The following MBOAT1 variants were observed in gnomAD, a reference collection of about 807,000 sequenced individuals.
MBOAT1 encodes the protein membrane bound glycerophospholipid O-acyltransferase 1.
In MBOAT1, 67 loss-of-function variants were observed where a neutral mutation model predicts 64.4. That is an observed-to-expected ratio of 1.04 (90% CI 0.85 to 1.27). The LOEUF (loss-of-function observed/expected upper bound fraction) is 1.27, where lower values mean the gene tolerates loss of function less well. MBOAT1 is among the 50% of genes most tolerant of loss of function. The pLI, the probability that MBOAT1 is intolerant of heterozygous loss-of-function variation, is 0.00. For synonymous variants in MBOAT1, 229 were observed against 218.9 expected, an observed-to-expected ratio of 1.05 and a Z score of -0.41; for missense variants, 563 against 604.6, an observed-to-expected ratio of 0.93 and a Z score of 0.72.
At chr6:20,122,836 A>G (rs201821292) in intron 8 of MBOAT1, among the ~76,000 whole-genome samples, 1 of 151,158 alleles carries the variant, frequency 6.6e-6, no homozygotes, top group East Asian at 2.0e-4. Flanking sequence ...TGAAAAAAAA[A>G]TTATTTTTTT....
chr6:20,181,911 C>T (rs1466294884), intron 1 of MBOAT1, among the ~76,000 whole-genome samples: 1 of 152,344 alleles, frequency 6.6e-6, no homozygotes, highest in East Asian at 1.9e-4. Flanking sequence ...CAGAACTTCT[C>T]ATAGACAACA....
chr6:20,197,681 A>T (rs1762996514), intron 1 of MBOAT1, among the ~76,000 whole-genome samples: 1 of 152,226 alleles, frequency 6.6e-6, no homozygotes, highest in Non-Finnish European at 1.5e-5. Context: ...ACCAATGTAC[A>T]TCTTACACAT....
At chr6:20,160,118 T>C (rs1761807490) in intron 1 of MBOAT1, among the ~76,000 whole-genome samples, 1 of 152,230 alleles carries the variant, frequency 6.6e-6, no homozygotes, top group African/African-American at 2.4e-5. Context: ...ATAAAACACA[T>C]GCCCAAGTGT....
At position 20,118,638 on chromosome 6, in the gene MBOAT1, T is replaced by G. The variant is rs575321063; in HGVS notation, c.908-98A>C. 2.9e-4 allele frequency: 265 copies of G among 912,734 alleles called. 1 individual carries two copies. The African/African-American group carries it at 4.2e-3, about 14-fold the overall frequency. The allele number at this position is 912,734 out of a possible 1,614,324, so 56.5% of individuals were successfully genotyped here. ...TCTGTCTAGCTTCAAGATGGAGAAA[T>G]ATGCAGTAGTGTCTTTGGAAAAGGA... On this transcript the variant is annotated intron_variant, in intron 8 of 12. Transcript: ENST00000324607.
chr6:20,200,008 A>G (rs955959953), intron 1 of MBOAT1, among the ~76,000 whole-genome samples: 1 of 152,204 alleles, frequency 6.6e-6, no homozygotes, highest in Non-Finnish European at 1.5e-5. Flanking sequence ...AGATAAGTTA[A>G]CATTTATTGT....
At chr6:20,163,935 G>C (rs1761937296) in intron 1 of MBOAT1, among the ~76,000 whole-genome samples, 1 of 152,094 alleles carries the variant, frequency 6.6e-6, no homozygotes, top group Non-Finnish European at 1.5e-5. Context: ...TGGAATGTTA[G>C]GGGGTGATTT....
chr6:20,183,122 C>T (rs1762555648), intron 1 of MBOAT1, among the ~76,000 whole-genome samples: 1 of 152,132 alleles, frequency 6.6e-6, no homozygotes, highest in South Asian at 2.1e-4. Context: ...GCGTCACCTC[C>T]CCTTTATGAC....
intron 1 of MBOAT1, among the ~76,000 whole-genome samples, chr6:20,178,958 C>G (rs919519216): frequency 1.3e-5 from 2 of 150,956 alleles, no homozygotes; most frequent in African/African-American, 4.9e-5. Context: ...CTTTTAAGTT[C>G]AGGGATACCT....
chr6:20,120,709 A>G (rs1218043203), intron 8 of MBOAT1, among the ~76,000 whole-genome samples: 1 of 152,212 alleles, frequency 6.6e-6, no homozygotes, highest in Non-Finnish European at 1.5e-5. Flanking sequence ...CAACAATGCC[A>G]GAATCTCAAT....
At chr6:20,208,030 G>C (rs1175868631) in intron 1 of MBOAT1, among the ~76,000 whole-genome samples, 1 of 152,130 alleles carries the variant, frequency 6.6e-6, no homozygotes, top group Non-Finnish European at 1.5e-5. Flanking sequence ...ATTTAACAAT[G>C]ACTGGAATGT....
chr6:20,199,444 T>C (rs1204026857), intron 1 of MBOAT1, among the ~76,000 whole-genome samples: 4 of 152,184 alleles, frequency 2.6e-5, no homozygotes, highest in Admixed American at 6.5e-5. Flanking sequence ...TTTTGCACCA[T>C]AGTAAAACTA....
In MBOAT1 at chr6:20,124,600, C is replaced by G. The variant is rs771451606; in HGVS notation, c.715G>C (p.Gly239Arg). ...FHSLPEPSPT[G>R]AVIHKLGITL... ...ATGCCCAACTTGTGTATCACAGCTCCCTGAAAATGGGGAAAAATCAGTGTC... is the reference window on the plus strand; with the variant it reads ...ATGCCCAACTTGTGTATCACAGCTCGCTGAAAATGGGGAAAAATCAGTGTC... Residue 239 changes from glycine (G) to arginine (R), a missense_variant and splice_region_variant, in exon 8 of 13, where the codon GGA becomes CGA. Physicochemically the swap from Gly to Arg is moderately radical, Grantham distance 125 (BLOSUM62 -2). Transcript: ENST00000324607. 11 of 1,613,496 alleles carry G rather than the reference C, an allele frequency of 6.8e-6. No homozygotes were observed. In the South Asian group the frequency reaches 1.2e-4, roughly 18 times the overall value.
In MBOAT1 at chr6:20,202,534, CA is replaced by C. The variant is rs563188819; in HGVS notation, c.99+9601del. Among the ~76,000 whole-genome samples the C allele has an allele frequency of 8.5e-4, 129 of 151,762 alleles. 1 individual carries two copies. The highest frequency in any genetic ancestry group is 1.3e-3 in the Non-Finnish European group (90 of 67,962). On this transcript the variant is annotated intron_variant, in intron 1 of 12. Coordinates refer to ENST00000324607, the MANE Select transcript of MBOAT1 (RefSeq NM_001080480.3). ...TACTAAACCATAAAAGAAGATTAAC[CA>C]CTGGTAACTTTAAAAAATTAAAAAC... is the stretch of plus-strand genomic sequence containing the variant.
chr6:20,126,762 T>C lies in MBOAT1; in HGVS notation c.531-62A>G. 3 of 1,215,236 alleles carry C rather than the reference T, an allele frequency of 2.5e-6. No individual in the cohort carries two copies. In the African/African-American group the frequency reaches 4.6e-5, roughly 19 times the overall value. 75.3% of individuals were successfully genotyped at this position (1,215,236 alleles called of 1,614,324 possible). ...GTCTTTGCTTTTTCTTCAGAATCTG[T>C]AAATAAGCAAACACAAATGTTATCT... is the stretch of plus-strand genomic sequence containing the variant. On this transcript the variant is annotated intron_variant, in intron 6 of 12. Transcript: ENST00000324607.
chr6:20,134,860 A>T (rs1415261431), intron 4 of MBOAT1, among the ~76,000 whole-genome samples: 2 of 152,018 alleles, frequency 1.3e-5, no homozygotes, highest in East Asian at 3.8e-4. Context: ...ATCATAAAAC[A>T]ATTCAGAACA....
At chr6:20,158,890 T>C (rs1439005525) in intron 1 of MBOAT1, among the ~76,000 whole-genome samples, 1 of 152,070 alleles carries the variant, frequency 6.6e-6, no homozygotes, top group Non-Finnish European at 1.5e-5. Context: ...TGTGTTAGAA[T>C]GACAATTATC....
intron 11 of MBOAT1, among the ~76,000 whole-genome samples, chr6:20,110,275 C>A (rs1193121303): frequency 6.7e-6 from 1 of 148,310 alleles, no homozygotes; most frequent in Non-Finnish European, 1.5e-5. Flanking sequence ...TGCAACGATG[C>A]AATCATAGCT....
chr6:20,199,501 AAAAC>A (rs557421959), intron 1 of MBOAT1, among the ~76,000 whole-genome samples: 1 of 152,240 alleles, frequency 6.6e-6, no homozygotes, highest in African/African-American at 2.4e-5. Flanking sequence ...GAAAGTACCA[AAAAC>A]AAACAAACAA....
chr6:20,117,477 A>G (rs1413636140), intron 9 of MBOAT1, among the ~76,000 whole-genome samples: 1 of 152,172 alleles, frequency 6.6e-6, no homozygotes, highest in Non-Finnish European at 1.5e-5. Flanking sequence ...AAATTCCACC[A>G]TGTTTTGTAG....
Sources: gnomAD v4.1 joint callset for allele counts (sites outside exome capture counted in the v4.1 genomes callset) on GRCh38, gnomAD v4.1.1 for gene constraint, MANE v1.5 for transcripts, NCBI Gene and HGNC (gene_info 2026-07-23, HGNC 2026-07-21) for gene names.